Variants in EXOC4 observed in about 807,000 individuals in gnomAD.
The protein encoded by EXOC4 is exocyst complex component 4.
Under a neutral mutation model 107.2 loss-of-function variants are expected in EXOC4, and 71 were observed. That is an observed-to-expected ratio of 0.66 (90% confidence interval 0.55 to 0.81). The LOEUF (loss-of-function observed/expected upper bound fraction) is 0.81, where lower values mean the gene tolerates loss of function less well. Ranked by LOEUF, EXOC4 falls within the 30% of genes least tolerant of loss-of-function variation. The probability of loss-of-function intolerance (pLI) is 0.00; values close to 1 mark genes in which losing one functional copy is unlikely to be tolerated. For missense variants in EXOC4, 1,108 were observed against 1,189.6 expected (o/e 0.93, Z 1.01); for synonymous variants, 456 against 441.2 (o/e 1.03, Z -0.42).
the EXOC4 span, among the ~76,000 whole-genome samples, chr7:134,084,275 G>A: frequency 6.6e-6 from 1 of 152,196 alleles, no homozygotes; most frequent in African/African-American, 2.4e-5. Flanking sequence ...ATATTCTCGT[G>A]AAAGTCATTG....
chr7:133,428,834 G>A (rs1797786010), intron 7 of EXOC4, among the ~76,000 whole-genome samples: 1 of 152,204 alleles, frequency 6.6e-6, no homozygotes, highest in Middle Eastern at 3.4e-3. Context: ...GTTAATTTTG[G>A]TAAAATTGCC....
chr7:133,785,514 A>ATC (rs1796549951), intron 10 of EXOC4, among the ~76,000 whole-genome samples: 3 of 152,160 alleles, frequency 2.0e-5, no homozygotes, highest in Non-Finnish European at 4.4e-5. Flanking sequence ...CTTGGACAAA[A>ATC]ACTACCACAT....
intron 17 of EXOC4, among the ~76,000 whole-genome samples, chr7:134,041,733 G>C (rs1337681633): frequency 2.0e-5 from 3 of 152,188 alleles, no homozygotes; most frequent in Non-Finnish European, 4.4e-5. Flanking sequence ...TTTGGAAAAT[G>C]AGATATTCTT....
At chr7:134,037,907 C>G (rs1795427667) in intron 17 of EXOC4, among the ~76,000 whole-genome samples, 1 of 152,214 alleles carries the variant, frequency 6.6e-6, no homozygotes, top group Admixed American at 6.5e-5. Flanking sequence ...TCCTCAGCAT[C>G]TTGCTACTCA....
At chr7:133,563,452 C>T (rs1056881485) in intron 9 of EXOC4, among the ~76,000 whole-genome samples, 11 of 152,248 alleles carry the variant, frequency 7.2e-5, no homozygotes, top group Middle Eastern at 3.4e-3. Flanking sequence ...ACTTTATTTC[C>T]TCTTTCCAAT....
chr7:133,296,195 AAC>A (rs1794516125), intron 3 of EXOC4, among the ~76,000 whole-genome samples: 2 of 152,196 alleles, frequency 1.3e-5, no homozygotes, highest in Non-Finnish European at 2.9e-5. Context: ...CATTGTTGAT[AAC>A]TTCTGTTGTT....
intron 11 of EXOC4, among the ~76,000 whole-genome samples, chr7:133,823,049 G>A (rs1449399151): frequency 6.6e-6 from 1 of 152,236 alleles, no homozygotes; most frequent in Non-Finnish European, 1.5e-5. Flanking sequence ...GCAGGGCAAT[G>A]TGAGACAGAG....
intron 14 of EXOC4, among the ~76,000 whole-genome samples, chr7:133,991,201 C>T (rs1794250713): frequency 6.6e-6 from 1 of 152,006 alleles, no homozygotes; most frequent in Non-Finnish European, 1.5e-5. Flanking sequence ...TACCTGTTGG[C>T]CATTTGTATG....
intron 9 of EXOC4, among the ~76,000 whole-genome samples, chr7:133,518,313 C>A (rs1799918591): frequency 7.0e-6 from 1 of 142,844 alleles, no homozygotes; most frequent in Non-Finnish European, 1.5e-5. Flanking sequence ...TCGTTACAGT[C>A]TTCTATACTG....
intron 6 of EXOC4, among the ~76,000 whole-genome samples, chr7:133,367,174 A>G (rs1796266279): frequency 1.3e-5 from 2 of 152,138 alleles, no homozygotes; most frequent in African/African-American, 4.8e-5. Flanking sequence ...GCTAAGGGAT[A>G]TGTGTGTGAG....
At chr7:133,708,300 G>A (rs1185971298) in intron 10 of EXOC4, among the ~76,000 whole-genome samples, 1 of 152,152 alleles carries the variant, frequency 6.6e-6, no homozygotes, top group Non-Finnish European at 1.5e-5. Flanking sequence ...TTGTGATGCT[G>A]AGTTTGGGAA....
At position 133,997,996 on chromosome 7, in the gene EXOC4, G is replaced by A. The variant is rs111508497; in HGVS notation, c.2348+363G>A. Among the ~76,000 whole-genome samples, 22 of 152,248 alleles carry A rather than the reference G, an allele frequency of 1.4e-4. 1 individual carries two copies. Among genetic ancestry groups the A allele is most frequent in the African/African-American group, 3.9e-4 (16 of 41,510 alleles). Reference sequence around the variant, plus strand: ...GATTTTATAAATGAAATAATAATTAGCACAATGTCAGCCACAAAGTAAGTG... The same window carrying A: ...GATTTTATAAATGAAATAATAATTAACACAATGTCAGCCACAAAGTAAGTG... On this transcript the variant is annotated intron_variant, in intron 15 of 17. Coordinates refer to ENST00000253861, the MANE Select transcript of EXOC4 (RefSeq NM_021807.4).
chr7:133,622,251 G>A (rs1055955967), intron 9 of EXOC4, among the ~76,000 whole-genome samples: 1 of 152,134 alleles, frequency 6.6e-6, no homozygotes, highest in African/African-American at 2.4e-5. Context: ...CTGGAATTAA[G>A]GGCATGAGCC....
chr7:133,699,215 T>C (rs1794603739), intron 10 of EXOC4, among the ~76,000 whole-genome samples: 2 of 152,276 alleles, frequency 1.3e-5, no homozygotes, highest in South Asian at 4.1e-4. Context: ...CTGGAGCAAA[T>C]TGGTTTGCAG....
rs570730402 is a variant in EXOC4, at chr7:133,494,201, A to G, written c.1417+14063A>G. 3.3e-5 allele frequency among the ~76,000 whole-genome samples: 5 copies of G among 152,290 alleles called. No individual in the cohort carries two copies. The East Asian group carries it at 5.8e-4, about 18-fold the overall frequency. ...AGGGAGAGCTTCTTTCTTCAAGTCT[A>G]TCTACAGATTGGAAAGCTGACCTCT... On this transcript the variant is annotated intron_variant, in intron 9 of 17. Coordinates refer to ENST00000253861, the MANE Select transcript of EXOC4 (RefSeq NM_021807.4).
At chr7:133,421,411 T>C (rs1797604315) in intron 7 of EXOC4, among the ~76,000 whole-genome samples, 1 of 152,172 alleles carries the variant, frequency 6.6e-6, no homozygotes. Flanking sequence ...GACAGTTTAG[T>C]CCTTGCTGAC....
At chr7:133,438,017 C>T (rs934205094) in intron 7 of EXOC4, among the ~76,000 whole-genome samples, 1 of 152,124 alleles carries the variant, frequency 6.6e-6, no homozygotes, top group Non-Finnish European at 1.5e-5. Flanking sequence ...ATTTAAGTAG[C>T]ATGAATTAAT....
At chr7:133,812,905 T>C (rs1464929031) in intron 10 of EXOC4, among the ~76,000 whole-genome samples, 1 of 152,078 alleles carries the variant, frequency 6.6e-6, no homozygotes, top group Non-Finnish European at 1.5e-5. Flanking sequence ...CCCCCATCCC[T>C]TAGCCCCCGT....
intron 14 of EXOC4, among the ~76,000 whole-genome samples, chr7:133,964,093 G>A (rs1354945928): frequency 6.6e-6 from 1 of 152,128 alleles, no homozygotes; most frequent in East Asian, 1.9e-4. Context: ...AAGCTAGTAT[G>A]AGGTAATATA....
Sources: gnomAD v4.1 joint callset for allele counts (sites outside exome capture counted in the v4.1 genomes callset) on GRCh38, gnomAD v4.1.1 for gene constraint, MANE v1.5 for transcripts, NCBI Gene and HGNC (gene_info 2026-07-23, HGNC 2026-07-21) for gene names.